FCHO1: variants seen among roughly 807,000 people sequenced by gnomAD.
FCHO1 encodes the protein FCH and mu domain containing endocytic adaptor 1.
In FCHO1, 45 loss-of-function variants were observed where a neutral mutation model predicts 114.4. The observed-to-expected ratio is 0.39, with a 90% CI of 0.31 to 0.50. The LOEUF is 0.50. FCHO1 is among the 20% of genes least tolerant of loss of function. The probability of loss-of-function intolerance (pLI) is 0.77; values close to 1 mark genes in which losing one functional copy is unlikely to be tolerated. For missense variants in FCHO1, 1,042 were observed against 1,209.6 expected (o/e 0.86, Z 2.06); for synonymous variants, 480 against 488.9 (o/e 0.98, Z 0.24).
Position 17,754,605 on chromosome 19 carries a change from TG to T in FCHO1, c.-122del, listed in dbSNP as rs1334428956. ...CTTTTCCTGCAGGAGCTGCCTGGAGTGGAGCTGAGAGCTCAGGTCTGGGCTC... is the reference window on the plus strand; with the variant it reads ...CTTTTCCTGCAGGAGCTGCCTGGAGTGAGCTGAGAGCTCAGGTCTGGGCTC... On this transcript the variant is annotated 5_prime_UTR_variant, in exon 3 of 29. Transcript: ENST00000596536. 6.4e-6 allele frequency: 1 copy of T among 155,550 alleles called. No homozygotes were observed. Among genetic ancestry groups the T allele is most frequent in the Non-Finnish European group, 1.4e-5 (1 of 69,930 alleles). The allele number at this position is 155,550 out of a possible 1,614,324, so 9.6% of individuals were successfully genotyped here. A position where few individuals can be genotyped will look rare whatever the true frequency, so the allele number is the denominator to read the frequency against.
intron 4 of FCHO1, among the ~76,000 whole-genome samples, chr19:17,759,723 A>G (rs2085315276): frequency 1.3e-5 from 2 of 151,696 alleles, no homozygotes; most frequent in Admixed American, 6.6e-5. Context: ...AGTTGAGGTC[A>G]GGAGTTCAAG....
chr19:17,785,419 C>T (rs2093786667), intron 26 of FCHO1, among the ~76,000 whole-genome samples: 1 of 152,084 alleles, frequency 6.6e-6, no homozygotes, highest in African/African-American at 2.4e-5. Context: ...CATGAGGTTT[C>T]ACCATGTTGG....
At chr19:17,761,969 T>TTTCTTTCATTCA (rs1555717282) in intron 4 of FCHO1, among the ~76,000 whole-genome samples, 20 of 148,236 alleles carry the variant, frequency 1.3e-4, no homozygotes, top group African/African-American at 4.5e-4. Context: ...TTTATTTTTA[T>TTTCTTTCATTCA]TTCATTCATT....
rs946520887 is a variant in FCHO1, at chr19:17,778,457, G to A, written c.1352-152G>A. The A allele has an allele frequency of 5.5e-6, 5 of 916,704 alleles. No individual in the cohort carries two copies. In the African/African-American group the frequency reaches 6.6e-5, roughly 12 times the overall value. The allele number at this position is 916,704 out of a possible 1,614,324, so 56.8% of individuals were successfully genotyped here. A position where few individuals can be genotyped will look rare whatever the true frequency, so the allele number is the denominator to read the frequency against. On this transcript the variant is annotated intron_variant, in intron 19 of 28. Coordinates refer to ENST00000596536, the MANE Select transcript of FCHO1 (RefSeq NM_015122.3). The stretch of plus-strand genomic sequence containing the variant: ...GGGCCGGACATTTGTGGAGAGGGAA[G>A]TCACCAGAAGGTGTAGCCTTGGGGG...
intron 7 of FCHO1, 121 bp downstream of exon 7, chr19:17,766,931 TC>T: frequency 9.2e-7 from 1 of 1,086,874 alleles, no homozygotes; most frequent in Non-Finnish European, 1.3e-6. Context: ...TTCCGTTAAT[TC>T]CACAACGTCA....
upstream of FCHO1, chr19:17,747,855 C>G (rs1210715903): frequency 6.6e-6 from 1 of 152,364 alleles, no homozygotes; most frequent in East Asian, 1.9e-4. Context: ...TACCCTGGCC[C>G]GCGCAGCCTC....
intron 3 of FCHO1, 118 bp from the exon 4 acceptor site, chr19:17,755,000 A>G: frequency 1.3e-6 from 1 of 747,324 alleles, no homozygotes; most frequent in East Asian, 2.5e-5. Context: ...TGCTCTTAGC[A>G]TTGGAGCTTT....
Position 17,781,341 on chromosome 19 carries a change from C to T in FCHO1, c.1738C>T (p.Leu580=). 1.2e-6 allele frequency: 2 copies of T among 1,613,242 alleles called. No individual in the cohort carries two copies. Among genetic ancestry groups the T allele is most frequent in the Non-Finnish European group, 1.7e-6 (2 of 1,179,244 alleles). Residue 580 remains leucine, a splice_region_variant and synonymous_variant, in exon 21 of 29, where the codon CTG becomes TTG. Coordinates refer to ENST00000596536, the MANE Select transcript of FCHO1 (RefSeq NM_015122.3). ...SCPLTRSNGD[L]SRSLSPSPLG... is the part of the protein sequence containing the mutation. Reference sequence around the variant, plus strand: ...CCCTCTCACACGTAGCAATGGGGACCTGGTAGGTGAGGGGGCGTGGCAGGA... The same window carrying T: ...CCCTCTCACACGTAGCAATGGGGACTTGGTAGGTGAGGGGGCGTGGCAGGA...
Position 17,784,936 on chromosome 19 carries a change from C to CGG in FCHO1, c.2426+14_2426+15dup. 6.2e-7 allele frequency: 1 copy of CGG among 1,607,390 alleles called. No individual in the cohort carries two copies. The highest frequency in any genetic ancestry group is 1.1e-5 in the South Asian group (1 of 91,026). On this transcript the variant is annotated intron_variant, in intron 26 of 28. Transcript: ENST00000596536. The surrounding 1 kb of genome is among the most constrained non-coding windows in gnomAD (Gnocchi z 5.3). ...CCGGCTGCCACCTGGTGAGGGCTTG[C>CGG]GGGAGGCCAAGGAAAACTCAGCAGT...
In FCHO1 at chr19:17,776,218, G is replaced by A. The variant is rs768381025; in HGVS notation, c.1183-29G>A. The A allele has an allele frequency of 5.6e-6, 9 of 1,614,072 alleles. No individual in the cohort carries two copies. The highest frequency in any genetic ancestry group is 1.7e-5 in the Admixed American group (1 of 60,006). The stretch of plus-strand genomic sequence containing the variant: ...CTAGAGAGGCTGGCTGGATGCATTC[G>A]TGTGTGATGTTGCCCACTTTGTCCA... On this transcript the variant is annotated intron_variant, in intron 16 of 28. Coordinates refer to ENST00000596536, the MANE Select transcript of FCHO1 (RefSeq NM_015122.3). The surrounding 1 kb of genome is among the most constrained non-coding windows in gnomAD (Gnocchi z 4.4).
rs746817599 is a variant in FCHO1, at chr19:17,772,684, G to A, written c.733G>A (p.Val245Met). 13 of 1,614,052 alleles carry A rather than the reference G, an allele frequency of 8.1e-6. No individual in the cohort carries two copies. Among genetic ancestry groups the A allele is most frequent in the Non-Finnish European group, 1.1e-5 (13 of 1,180,040 alleles). ...EFKQNIENVS[V>M]EMLLRKFAES... ...TAAGCAGAACATCGAGAACGTCAGC[G>A]TGGAGATGCTACTCAGGAAGTTTGC... Residue 245 changes from valine (V) to methionine (M), a missense_variant, in exon 11 of 29, where the codon GTG becomes ATG. Around this residue, in one of 3 missense-constraint regions of FCHO1, gnomAD observed 450 missense variants for 564.1 expected, o/e 0.80. Coordinates refer to ENST00000596536, the MANE Select transcript of FCHO1 (RefSeq NM_015122.3).
intron 21 of FCHO1, 32 bp from the exon 22 acceptor site, chr19:17,781,420 C>G: frequency 6.2e-7 from 1 of 1,613,092 alleles, no homozygotes; most frequent in Non-Finnish European, 8.5e-7. Context: ...TCCTGGGGCA[C>G]TCACAGCCAA....
rs2093428966 is a variant in FCHO1 at position 17,781,712 on chromosome 19, G to T, written c.1829G>T (p.Gly610Val). 1.2e-6 allele frequency: 2 copies of T among 1,600,214 alleles called. No individual in the cohort carries two copies. Among genetic ancestry groups the T allele is most frequent in the Admixed American group, 3.5e-5 (2 of 57,646 alleles). Residue 610 changes from glycine (G) to valine (V), a missense_variant and splice_region_variant, in exon 23 of 29, where the codon GGA becomes GTA. This residue lies in a region of FCHO1 where 455 missense variants were observed against 455.4 expected (regional missense o/e 1.00). Transcript: ENST00000596536. ...RPSFLSQTGH[G>V]VSRGPSPVVL... Reference sequence around the variant, plus strand: ...CCCATTCCCTCTCCACCACCCCCAGGAGTCTCCCGGGGTCCGAGCCCTGTG... The same window carrying T: ...CCCATTCCCTCTCCACCACCCCCAGTAGTCTCCCGGGGTCCGAGCCCTGTG...
rs1468632092 is a variant in FCHO1 at position 17,761,806 on chromosome 19, G to A, written c.28-956G>A. Among the ~76,000 whole-genome samples, 21 of 144,044 alleles carry A rather than the reference G, an allele frequency of 1.5e-4. No homozygotes were observed. The East Asian group carries it at 1.9e-3, about 13-fold the overall frequency. The allele number at this position is 144,044 out of a possible 152,430, so 94.5% of individuals were successfully genotyped here. ...CTCCCAAGTAGCTGGGATTACAGGGGTGCGCCACCATGCCTGGCTAATTTT... is the reference window on the plus strand; with the variant it reads ...CTCCCAAGTAGCTGGGATTACAGGGATGCGCCACCATGCCTGGCTAATTTT... On this transcript the variant is annotated intron_variant, in intron 4 of 28. Transcript: ENST00000596536.
chr19:17,766,099 A>G (rs2088992762), intron 6 of FCHO1, among the ~76,000 whole-genome samples: 1 of 151,442 alleles, frequency 6.6e-6, no homozygotes, highest in Non-Finnish European at 1.5e-5. Flanking sequence ...CATGTTAGCC[A>G]GGATGCTCTC....
chr19:17,781,064 T>C (rs1274713683), intron 20 of FCHO1, among the ~76,000 whole-genome samples, 167 bp from the exon 21 acceptor site: 2 of 152,140 alleles, frequency 1.3e-5, no homozygotes, highest in Non-Finnish European at 1.5e-5. Context: ...GTGGACAGTA[T>C]CTGCAGTCCT....
chr19:17,763,297 C>A (rs1318153353), intron 5 of FCHO1, among the ~76,000 whole-genome samples: 1 of 116,978 alleles, frequency 8.5e-6, no homozygotes, highest in Non-Finnish European at 1.7e-5. Context: ...GAGTTTTGCT[C>A]TTGTTGCCCA....
At chr19:17,781,200 C>A in intron 20 of FCHO1, 31 bp from the exon 21 acceptor site, 1 of 1,535,766 alleles carries the variant, frequency 6.5e-7, no homozygotes, top group Non-Finnish European at 8.9e-7. Context: ...CGGGCAGCAT[C>A]TCAGCAGTGC....
chr19:17,788,282 A>G lies in FCHO1; in HGVS notation c.2648-2A>G. The G allele has an allele frequency of 8.3e-7, 1 of 1,205,250 alleles. No homozygotes were observed. Among genetic ancestry groups the G allele is most frequent in the Non-Finnish European group, 1.1e-6 (1 of 907,712 alleles). 74.7% of individuals were successfully genotyped at this position (1,205,250 alleles called of 1,614,324 possible). On this transcript the variant is annotated splice_acceptor_variant, in intron 28 of 28. Transcript: ENST00000596536. LOFTEE classifies it high-confidence loss of function. The stretch of plus-strand genomic sequence containing the variant: ...CTCCCCCTCACAGCTGCACCCCCAC[A>G]GGGATGTACCTGGTGAGCTGCTGAA...
Sources: allele counts gnomAD v4.1 joint callset (sites outside exome capture counted in the v4.1 genomes callset), GRCh38; gene constraint gnomAD v4.1.1; regional missense constraint gnomAD v4.1.1; non-coding constraint Gnocchi (gnomAD v3.1); transcripts MANE v1.5; gene names NCBI Gene and HGNC (gene_info 2026-07-23, HGNC 2026-07-21).